The following SCAMP1 variants were observed in gnomAD, a reference collection of about 807,000 sequenced individuals.
The protein encoded by SCAMP1 is secretory carrier-associated membrane protein 1.
In SCAMP1, 15 loss-of-function variants were observed where a neutral mutation model predicts 41.8. That is an observed-to-expected ratio of 0.36 (90% CI 0.24 to 0.55). The LOEUF is 0.55. SCAMP1 is among the 20% of genes least tolerant of loss of function. The probability of loss-of-function intolerance (pLI) is 0.86; values close to 1 mark genes in which losing one functional copy is unlikely to be tolerated. For synonymous variants in SCAMP1, 135 were observed against 136.8 expected (o/e 0.99, Z 0.09); for missense variants, 341 against 412.6 (o/e 0.83, Z 1.50).
At chr5:78,425,097 G>C (rs909704847) in intron 6 of SCAMP1, among the ~76,000 whole-genome samples, 6 of 151,938 alleles carry the variant, frequency 3.9e-5, no homozygotes, top group Non-Finnish European at 8.8e-5. Context: ...ACTTTTTTTG[G>C]ACCCTCTTAG....
At chr5:78,411,734 A>G (rs1010767776) in intron 2 of SCAMP1, among the ~76,000 whole-genome samples, 2 of 152,170 alleles carry the variant, frequency 1.3e-5, no homozygotes, top group African/African-American at 4.8e-5. Context: ...CATTCTTGGC[A>G]TACATACATT....
At chr5:78,386,316 C>T (rs1751340271) in intron 1 of SCAMP1, among the ~76,000 whole-genome samples, 1 of 152,016 alleles carries the variant, frequency 6.6e-6, no homozygotes, top group Admixed American at 6.6e-5. Context: ...ATATCTTTTT[C>T]TAGGCCTTTA....
intron 6 of SCAMP1, among the ~76,000 whole-genome samples, chr5:78,442,457 CCA>C (rs1752949681): frequency 6.6e-6 from 1 of 152,066 alleles, no homozygotes; most frequent in African/African-American, 2.4e-5. Flanking sequence ...CAGAGTTTCA[CCA>C]TGTTGGCCAG....
At chr5:78,371,185 C>T (rs1246044204) in intron 1 of SCAMP1, among the ~76,000 whole-genome samples, 1 of 152,014 alleles carries the variant, frequency 6.6e-6, no homozygotes, top group Non-Finnish European at 1.5e-5. Context: ...TTCAAATTAC[C>T]TATTTTTTGT....
At chr5:78,457,962 C>T (rs1312139553) in intron 7 of SCAMP1, 1 of 152,792 alleles carries the variant, frequency 6.5e-6, no homozygotes, top group Non-Finnish European at 1.5e-5. Context: ...GTGCGTCTGT[C>T]ACCCCTTTCT....
At chr5:78,455,169 G>A (rs560824128) in intron 7 of SCAMP1, among the ~76,000 whole-genome samples, 3 of 150,234 alleles carry the variant, frequency 2.0e-5, no homozygotes, top group South Asian at 4.2e-4. Context: ...AGGGTTTTTT[G>A]TGTCTCTATT....
chr5:78,424,220 A>G (rs1190898805), intron 6 of SCAMP1, among the ~76,000 whole-genome samples: 1 of 152,148 alleles, frequency 6.6e-6, no homozygotes, highest in Non-Finnish European at 1.5e-5. Context: ...TAAAGTATTT[A>G]TAATCATTAA....
chr5:78,451,074 C>T (rs563841677), intron 7 of SCAMP1, among the ~76,000 whole-genome samples: 1 of 151,922 alleles, frequency 6.6e-6, no homozygotes, highest in Non-Finnish European at 1.5e-5. Flanking sequence ...TTTTTTAATT[C>T]TCGTGAAAGT....
chr5:78,423,012 GCGCGCACACACACACA>G (rs150751384), intron 6 of SCAMP1, among the ~76,000 whole-genome samples: 48,456 of 150,784 alleles, frequency 0.32, 8,568 homozygotes, highest in East Asian at 0.52. Context: ...ACACACGCGC[GCGCGCACACACACACA>G]CACACACACA....
At chr5:78,463,908 TGAGATG>T (rs977974607) in intron 8 of SCAMP1, among the ~76,000 whole-genome samples, 4 of 151,808 alleles carry the variant, frequency 2.6e-5, no homozygotes, top group African/African-American at 9.7e-5. Context: ...TACCTACTAA[TGAGATG>T]GCACTAAGCA....
At chr5:78,414,095 G>T (rs1376591153) in intron 2 of SCAMP1, among the ~76,000 whole-genome samples, 1 of 151,076 alleles carries the variant, frequency 6.6e-6, no homozygotes, top group African/African-American at 2.4e-5. Flanking sequence ...AGTATATGGT[G>T]CATGTGTCGA....
At chr5:78,464,760 C>T (rs927845560) in intron 8 of SCAMP1, among the ~76,000 whole-genome samples, 9 of 152,134 alleles carry the variant, frequency 5.9e-5, no homozygotes, top group Non-Finnish European at 8.8e-5. Flanking sequence ...GATGAAATCA[C>T]TTTTATTTTG....
At chr5:78,438,755 G>T (rs10474546) in intron 6 of SCAMP1, among the ~76,000 whole-genome samples, 56,304 of 152,038 alleles carry the variant, frequency 0.37, 12,553 homozygotes, top group Non-Finnish European at 0.5. Flanking sequence ...CTGAGTTCAA[G>T]TCCTGGATAT....
intron 7 of SCAMP1, among the ~76,000 whole-genome samples, chr5:78,455,649 A>G (rs1223555361): frequency 7.8e-6 from 1 of 128,530 alleles, no homozygotes; most frequent in Non-Finnish European, 1.6e-5. Flanking sequence ...GCTGAAAAAA[A>G]TGTATATTCT....
chr5:78,476,807 A>G lies in SCAMP1; in HGVS notation c.*1139A>G, dbSNP rs1754015668. ...ATATATCTAAAATTTCCAGCAATAA[A>G]AAAAAAAGCATTTAACTTGCACCAA... On this transcript the variant is annotated 3_prime_UTR_variant, in exon 9 of 9. Transcript: ENST00000621999. 6.6e-6 allele frequency: 1 copy of G among 152,568 alleles called. No individual in the cohort carries two copies. Among genetic ancestry groups the G allele is most frequent in the Non-Finnish European group, 1.5e-5 (1 of 67,990 alleles). 9.5% of individuals were successfully genotyped at this position (152,568 alleles called of 1,614,324 possible). A position where few individuals can be genotyped will look rare whatever the true frequency, so the allele number is the denominator to read the frequency against.
At chr5:78,464,691 A>G (rs1753700721) in intron 8 of SCAMP1, among the ~76,000 whole-genome samples, 1 of 152,202 alleles carries the variant, frequency 6.6e-6, no homozygotes, top group African/African-American at 2.4e-5. Context: ...CAGCATTGCT[A>G]AGGTTGTAAA....
At chr5:78,366,266 C>T (rs962248725) in intron 1 of SCAMP1, among the ~76,000 whole-genome samples, 11 of 151,964 alleles carry the variant, frequency 7.2e-5, no homozygotes, top group Non-Finnish European at 1.5e-4. Context: ...ACCTCAGCCT[C>T]CCGAGTAGCT....
At chr5:78,466,982 AGAT>A (rs1321766554) in intron 8 of SCAMP1, among the ~76,000 whole-genome samples, 2 of 152,200 alleles carry the variant, frequency 1.3e-5, no homozygotes, top group African/African-American at 4.8e-5. Context: ...CCAGGTTTTT[AGAT>A]GATGGACCAT....
chr5:78,391,815 G>T (rs1394401988), intron 2 of SCAMP1, among the ~76,000 whole-genome samples: 2 of 152,194 alleles, frequency 1.3e-5, no homozygotes, highest in African/African-American at 2.4e-5. Context: ...GACCAGCCTG[G>T]CCAACACAGC....
Sources: gnomAD v4.1 joint callset for allele counts (sites outside exome capture counted in the v4.1 genomes callset) on GRCh38, gnomAD v4.1.1 for gene constraint, MANE v1.5 for transcripts, NCBI Gene and HGNC (gene_info 2026-07-23, HGNC 2026-07-21) for gene names.